PLSCR2: variants seen among roughly 807,000 people sequenced by gnomAD.
PLSCR2 encodes PL scramblase 2.
PLSCR2 carries 18 observed loss-of-function variants against 25.3 expected under a neutral mutation model. The ratio of observed to expected loss-of-function variants is 0.71; its 90% confidence interval spans 0.49 to 1.06. PLSCR2 has a LOEUF of 1.06. PLSCR2 is among the 50% of genes least tolerant of loss of function. PLSCR2 has a pLI of 0.00. For missense variants in PLSCR2, 243 were observed against 269.5 expected (o/e 0.90, Z 0.69); for synonymous variants, 88 against 87.3 (o/e 1.01, Z -0.04).
intron 3 of PLSCR2, among the ~76,000 whole-genome samples, chr3:146,456,261 C>A (rs2041214475): frequency 1.3e-5 from 2 of 152,114 alleles, no homozygotes. Flanking sequence ...CATTGGAAAC[C>A]TCTCCTTGTT....
intron 5 of PLSCR2, among the ~76,000 whole-genome samples, chr3:146,451,107 C>CTTTTTTTTTTTTTT: frequency 1.3e-5 from 1 of 79,482 alleles, no homozygotes; most frequent in Non-Finnish European, 2.3e-5. Context: ...ATTAAGTTTT[C>CTTTTTTTTTTTTTT]TTTTTTTTTT....
intron 6 of PLSCR2, among the ~76,000 whole-genome samples, chr3:146,444,310 T>C (rs1329603460): frequency 6.6e-6 from 1 of 152,018 alleles, no homozygotes; most frequent in Non-Finnish European, 1.5e-5. Context: ...ATTTGATGTT[T>C]TTTTGTTGAT....
intron 1 of PLSCR2, among the ~76,000 whole-genome samples, chr3:146,472,767 A>C (rs2042161573): frequency 6.6e-6 from 1 of 152,196 alleles, no homozygotes; most frequent in Admixed American, 6.5e-5. Flanking sequence ...CAATAGCAAC[A>C]TCTGTCTTAG....
At chr3:146,486,353 C>G (rs533074671) in intron 1 of PLSCR2, among the ~76,000 whole-genome samples, 1 of 147,498 alleles carries the variant, frequency 6.8e-6, no homozygotes, top group South Asian at 2.1e-4. Flanking sequence ...CATGAAAAAC[C>G]CTTCAAAAAA....
chr3:146,453,568 A>T (rs1250553719), intron 5 of PLSCR2, among the ~76,000 whole-genome samples: 4 of 152,148 alleles, frequency 2.6e-5, no homozygotes, highest in Admixed American at 6.5e-5. Flanking sequence ...TATCTTTGCC[A>T]AATTGGGCTT....
At chr3:146,455,798 T>C (rs1374168728) in intron 3 of PLSCR2, among the ~76,000 whole-genome samples, 1 of 152,190 alleles carries the variant, frequency 6.6e-6, no homozygotes, top group Non-Finnish European at 1.5e-5. Context: ...GGATAAAATG[T>C]CCATTTATTT....
upstream of PLSCR2, among the ~76,000 whole-genome samples, chr3:146,463,339 G>C (rs2041711378): frequency 6.6e-6 from 1 of 152,006 alleles, no homozygotes; most frequent in Non-Finnish European, 1.5e-5. Flanking sequence ...ACCACGCCCG[G>C]AATAATTTTT....
intron 6 of PLSCR2, among the ~76,000 whole-genome samples, chr3:146,443,168 G>A (rs192905062): frequency 1.3e-5 from 2 of 152,146 alleles, no homozygotes; most frequent in East Asian, 3.9e-4. Flanking sequence ...ATTTTGACTT[G>A]CTAGTATTTT....
chr3:146,428,400 G>A (rs1056977082), downstream of PLSCR2, among the ~76,000 whole-genome samples: 10 of 152,170 alleles, frequency 6.6e-5, no homozygotes, highest in Non-Finnish European at 1.5e-4. Flanking sequence ...TAGTAGGCAA[G>A]TAGATTTCAA....
At chr3:146,404,103 C>T (rs2038569352) in intron 2 of PLSCR2, among the ~76,000 whole-genome samples, 1 of 152,166 alleles carries the variant, frequency 6.6e-6, no homozygotes, top group East Asian at 1.9e-4. Flanking sequence ...AAGAATGGTA[C>T]AGCAGTAGGG....
intron 1 of PLSCR2, among the ~76,000 whole-genome samples, chr3:146,476,300 G>T (rs530671093): frequency 6.6e-6 from 1 of 152,330 alleles, no homozygotes; most frequent in Non-Finnish European, 1.5e-5. Flanking sequence ...TGGGGCAGGG[G>T]GAGCTCCCAT....
At chr3:146,395,475 ATAAGTCAC>A (rs746173626) in intron 3 of PLSCR2, among the ~76,000 whole-genome samples, 1 of 152,242 alleles carries the variant, frequency 6.6e-6, no homozygotes, top group Admixed American at 6.5e-5. Flanking sequence ...AGAGATAACT[ATAAGTCAC>A]ACTGAATGAA....
downstream of PLSCR2, among the ~76,000 whole-genome samples, chr3:146,432,711 G>A (rs2039592510): frequency 6.6e-6 from 1 of 152,120 alleles, no homozygotes; most frequent in Non-Finnish European, 1.5e-5. Context: ...ATTAAATGCT[G>A]CTGGTGAGGT....
At chr3:146,436,406 G>A (rs990607528) in intron 8 of PLSCR2, among the ~76,000 whole-genome samples, 7 of 152,200 alleles carry the variant, frequency 4.6e-5, no homozygotes, top group Non-Finnish European at 1.0e-4. Flanking sequence ...CTGTCCATGA[G>A]CATGAAATGT....
At chr3:146,469,618 G>T in intron 1 of PLSCR2, 57 bp from the exon 1 acceptor site, 2 of 974,336 alleles carry the variant, frequency 2.1e-6, no homozygotes, top group Non-Finnish European at 2.4e-6. Flanking sequence ...CGGCGGAAAA[G>T]GGGCCTGGAC....
At chr3:146,491,833 C>T (rs772389533) in intron 1 of PLSCR2, among the ~76,000 whole-genome samples, 6 of 152,182 alleles carry the variant, frequency 3.9e-5, no homozygotes, top group Non-Finnish European at 7.3e-5. Flanking sequence ...AATTCTATGT[C>T]TGTCACTTCA....
chr3:146,397,264 G>A (rs2038308020), intron 2 of PLSCR2, among the ~76,000 whole-genome samples: 1 of 152,056 alleles, frequency 6.6e-6, no homozygotes, highest in Non-Finnish European at 1.5e-5. Flanking sequence ...TACATGGTCA[G>A]TTCGTTTCTT....
chr3:146,430,361 A>G (rs779384864), downstream of PLSCR2, among the ~76,000 whole-genome samples: 1 of 152,166 alleles, frequency 6.6e-6, no homozygotes, highest in Non-Finnish European at 1.5e-5. Context: ...AGATAGGGCC[A>G]GGTGCAGGAA....
At chr3:146,398,374 C>A (rs1330366165) in intron 2 of PLSCR2, among the ~76,000 whole-genome samples, 2 of 151,564 alleles carry the variant, frequency 1.3e-5, no homozygotes, top group African/African-American at 4.8e-5. Context: ...AGGTCATTGT[C>A]CATTTAAATA....
Sources: allele counts gnomAD v4.1 joint callset (sites outside exome capture counted in the v4.1 genomes callset), GRCh38; gene constraint gnomAD v4.1.1; transcripts MANE v1.5; gene names NCBI Gene and HGNC (gene_info 2026-07-23, HGNC 2026-07-21).